The following EIPR1 variants were observed in gnomAD, a reference collection of about 807,000 sequenced individuals.
The protein encoded by EIPR1 is EARP complex and GARP complex interacting protein 1.
A neutral mutation model predicts 48.1 loss-of-function variants in EIPR1; 25 were observed. That is an observed-to-expected ratio of 0.52 (90% CI 0.38 to 0.73). The LOEUF is 0.73. EIPR1 is among the 30% of genes least tolerant of loss of function. The pLI is 0.00. For synonymous variants in EIPR1, 204 were observed against 201.9 expected (o/e 1.01, Z -0.09); for missense variants, 415 against 506.2 (o/e 0.82, Z 1.73).
intron 7 of EIPR1, among the ~76,000 whole-genome samples, chr2:3,192,870 G>A (rs1274655052): frequency 1.4e-5 from 2 of 145,118 alleles, no homozygotes. Context: ...TCTAAAATTC[G>A]AAAAAAAAAA....
At position 3,309,281 on chromosome 2, in the gene EIPR1, G is replaced by C. The variant is rs547844609; in HGVS notation, c.259+28736C>G. The stretch of plus-strand genomic sequence containing the variant: ...GAGGTAGGAAAATGCCAATAACTGT[G>C]GGTTTGGTAAGTGACATACGTATAT... On this transcript the variant is annotated intron_variant, in intron 3 of 8. Transcript: ENST00000382125. Among the ~76,000 whole-genome samples the C allele has an allele frequency of 3.3e-5, 5 of 152,310 alleles. No homozygotes were observed. The East Asian group carries it at 9.6e-4, about 29-fold the overall frequency.
intron 1 of EIPR1, among the ~76,000 whole-genome samples, chr2:3,369,348 G>C (rs550139377): frequency 6.6e-6 from 1 of 152,194 alleles, no homozygotes; most frequent in Admixed American, 6.5e-5. Context: ...ATGAGGTACC[G>C]GGTTCATCTC....
chr2:3,207,920 A>G (rs1216048017), intron 5 of EIPR1: 1 of 152,562 alleles, frequency 6.6e-6, no homozygotes, highest in East Asian at 1.9e-4. Context: ...ATATTAAAAT[A>G]TGCAACTTAG....
At chr2:3,274,889 A>G (rs1667801858) in intron 3 of EIPR1, among the ~76,000 whole-genome samples, 1 of 152,192 alleles carries the variant, frequency 6.6e-6, no homozygotes, top group Admixed American at 6.5e-5. Context: ...GAATAACAAC[A>G]TGTTATCAGT....
chr2:3,205,162 G>C (rs62119002), intron 5 of EIPR1, among the ~76,000 whole-genome samples: 2 of 152,188 alleles, frequency 1.3e-5, no homozygotes, highest in African/African-American at 4.8e-5. Flanking sequence ...CACGGCAAGC[G>C]GGAGGGGCTG....
chr2:3,317,125 G>A (rs1382223292), intron 3 of EIPR1, among the ~76,000 whole-genome samples: 3 of 151,690 alleles, frequency 2.0e-5, no homozygotes, highest in Non-Finnish European at 4.4e-5. Context: ...TGCATGTGGG[G>A]TGGAGCACAG....
intron 2 of EIPR1, among the ~76,000 whole-genome samples, chr2:3,340,496 C>A (rs1230659973): frequency 1.3e-5 from 2 of 152,204 alleles, no homozygotes; most frequent in Non-Finnish European, 2.9e-5. Context: ...ATGAACACAG[C>A]ACTTGTTTTT....
At chr2:3,191,069 G>A (rs1664588567) in intron 8 of EIPR1, among the ~76,000 whole-genome samples, 1 of 152,204 alleles carries the variant, frequency 6.6e-6, no homozygotes, top group Admixed American at 6.5e-5. Flanking sequence ...ACACCAGCTT[G>A]GGTGACTTTT....
rs1572379500 is a variant in EIPR1 at position 3,269,517 on chromosome 2, A to AT, written c.260-12063_260-12062insA. Among the ~76,000 whole-genome samples the AT allele has an allele frequency of 3.4e-4, 14 of 40,788 alleles. 2 individuals carry two copies. Among genetic ancestry groups the AT allele is most frequent in the South Asian group, 8.5e-4 (1 of 1,172 alleles). The allele number at this position is 40,788 out of a possible 152,430, so 26.8% of individuals were successfully genotyped here. ...AATCATCGCACTCAATCATCATCACACTCAATCATCGCACTCAGTCATCGC... is the reference window on the plus strand; with the variant it reads ...AATCATCGCACTCAATCATCATCACATCTCAATCATCGCACTCAGTCATCGC... On this transcript the variant is annotated intron_variant, in intron 3 of 8. Coordinates refer to ENST00000382125, the MANE Select transcript of EIPR1 (RefSeq NM_003310.5).
intron 2 of EIPR1, among the ~76,000 whole-genome samples, chr2:3,350,754 G>T (rs1670547858): frequency 6.6e-6 from 1 of 152,062 alleles, no homozygotes; most frequent in African/African-American, 2.4e-5. Context: ...CTACCATACG[G>T]ATTCACACAC....
At chr2:3,319,775 TACTGCACCTGCGGGCAAC>T (rs1669447384) in intron 3 of EIPR1, 2 of 66,724 alleles carry the variant, frequency 3.0e-5, no homozygotes, top group South Asian at 3.8e-4. Context: ...GGCAGGGCAA[TACTGCACCTGCGGGCAAC>T]ACCACCCCTG....
intron 2 of EIPR1, among the ~76,000 whole-genome samples, chr2:3,340,408 G>T (rs1038102847): frequency 3.3e-5 from 5 of 152,230 alleles, no homozygotes; most frequent in African/African-American, 9.6e-5. Flanking sequence ...TCGGGGAACT[G>T]AAGTTTCCAC....
chr2:3,298,407 T>C (rs1029373368), intron 3 of EIPR1: 4 of 152,172 alleles, frequency 2.6e-5, no homozygotes, highest in Non-Finnish European at 4.4e-5. Flanking sequence ...GTCTTGCTAG[T>C]GTCAGATTAC....
At chr2:3,233,299 T>G (rs1666299522) in intron 4 of EIPR1, among the ~76,000 whole-genome samples, 1 of 152,220 alleles carries the variant, frequency 6.6e-6, no homozygotes, top group Admixed American at 6.5e-5. Context: ...TTCTATCGTG[T>G]GAATTTCCAT....
intron 2 of EIPR1, 44 bp from the exon 3 acceptor site, chr2:3,338,193 C>A (rs1405688699): frequency 6.3e-7 from 1 of 1,597,592 alleles, no homozygotes; most frequent in South Asian, 1.1e-5. Context: ...CAAACACTTT[C>A]CTCAGTACCT....
rs776416811 is a variant in EIPR1, at chr2:3,208,791, G to A, written c.516+5358C>T. 2.6e-5 allele frequency: 41 copies of A among 1,548,658 alleles called. No homozygotes were observed. The Middle Eastern group carries it at 5.0e-4, about 19-fold the overall frequency. ...AGTCCTTCTTCCTTGAGTGAGGCTC[G>A]TGGCAGGTCCTCCTTCTGTGAGTGA... On this transcript the variant is annotated intron_variant, in intron 5 of 8. Transcript: ENST00000382125.
chr2:3,295,029 C>T (rs1276809421), intron 3 of EIPR1, among the ~76,000 whole-genome samples: 1 of 137,496 alleles, frequency 7.3e-6, no homozygotes, highest in Admixed American at 7.2e-5. Flanking sequence ...ACTCTCTGCA[C>T]ACATACACCC....
chr2:3,263,460 C>T (rs1667394866), intron 3 of EIPR1, among the ~76,000 whole-genome samples: 1 of 152,176 alleles, frequency 6.6e-6, no homozygotes, highest in South Asian at 2.1e-4. Flanking sequence ...AGCCCTGATG[C>T]CCTGACCAGA....
chr2:3,328,384 G>A (rs1417251018), intron 3 of EIPR1, among the ~76,000 whole-genome samples: 1 of 151,464 alleles, frequency 6.6e-6, no homozygotes, highest in Admixed American at 6.6e-5. Context: ...TGATCTCAGG[G>A]TGCCAGCCAG....
Sources: allele counts gnomAD v4.1 joint callset (sites outside exome capture counted in the v4.1 genomes callset), GRCh38; gene constraint gnomAD v4.1.1; transcripts MANE v1.5; gene names NCBI Gene and HGNC (gene_info 2026-07-23, HGNC 2026-07-21).